The following PINX1 variants were observed in gnomAD, a reference collection of about 807,000 sequenced individuals.
PINX1 encodes PIN2 (TERF1) interacting telomerase inhibitor 1.
A neutral mutation model predicts 25.4 loss-of-function variants in PINX1; 34 were observed. That is an observed-to-expected ratio of 1.34 (90% CI 1.02 to 1.78). The LOEUF is 1.78. PINX1 is among the 40% of genes most tolerant of loss of function. PINX1 has a pLI of 0.00. For missense variants in PINX1, 592 were observed against 404.9 expected, an observed-to-expected ratio of 1.46 and a Z score of -3.97; for synonymous variants, 197 against 147.7, an observed-to-expected ratio of 1.33 and a Z score of -2.42.
At chr8:10,817,645 A>T (rs770354591) in intron 6 of PINX1, among the ~76,000 whole-genome samples, 14 of 152,064 alleles carry the variant, frequency 9.2e-5, no homozygotes, top group Non-Finnish European at 1.9e-4. Context: ...CCTAGACGCG[A>T]CCTCCTCAGT....
At chr8:10,803,554 C>G (rs1176395062) in intron 6 of PINX1, among the ~76,000 whole-genome samples, 1 of 152,206 alleles carries the variant, frequency 6.6e-6, no homozygotes, top group Non-Finnish European at 1.5e-5. Context: ...CGAGCTCTGT[C>G]CCACATTCTG....
At chr8:10,803,980 T>G (rs1802353899) in intron 6 of PINX1, among the ~76,000 whole-genome samples, 1 of 151,336 alleles carries the variant, frequency 6.6e-6, no homozygotes. Flanking sequence ...GAAGTTCAAA[T>G]TAGCTATCAT....
At chr8:10,811,462 C>T (rs372264656) in intron 6 of PINX1, among the ~76,000 whole-genome samples, 1 of 152,194 alleles carries the variant, frequency 6.6e-6, no homozygotes, top group Admixed American at 6.5e-5. Flanking sequence ...CCTAAGACAG[C>T]CATTTCATTT....
intron 6 of PINX1, among the ~76,000 whole-genome samples, chr8:10,807,011 G>A (rs1802472291): frequency 6.6e-6 from 1 of 152,162 alleles, no homozygotes; most frequent in African/African-American, 2.4e-5. Context: ...TTAATTGACT[G>A]TTAAATTACA....
In PINX1 at chr8:10,831,654, G is replaced by A. The variant is rs748713749; in HGVS notation, c.301+11C>T. On this transcript the variant is annotated intron_variant, in intron 4 of 6. Coordinates refer to ENST00000314787, the MANE Select transcript of PINX1 (RefSeq NM_017884.6). ...TTTGCATTGAGAACTTATGTCATCT[G>A]ATTTCCCTACCTGTGGTTTCCTGCC... The A allele has an allele frequency of 4.5e-6, 7 of 1,565,234 alleles. No individual in the cohort carries two copies. The highest frequency in any genetic ancestry group is 6.1e-6 in the Non-Finnish European group (7 of 1,140,420).
intron 6 of PINX1, among the ~76,000 whole-genome samples, chr8:10,779,397 A>T (rs1256848158): frequency 6.6e-6 from 1 of 152,250 alleles, no homozygotes; most frequent in Non-Finnish European, 1.5e-5. Flanking sequence ...AATGAAACAA[A>T]CTTGATTCTG....
At chr8:10,818,831 C>A (rs77192658) in intron 6 of PINX1, among the ~76,000 whole-genome samples, 8 of 152,068 alleles carry the variant, frequency 5.3e-5, no homozygotes, top group African/African-American at 1.9e-4. Context: ...CCTGAGGACA[C>A]GGAGACGACT....
intron 6 of PINX1, among the ~76,000 whole-genome samples, chr8:10,773,883 G>A (rs910936508): frequency 6.6e-6 from 1 of 152,238 alleles, no homozygotes; most frequent in Non-Finnish European, 1.5e-5. Context: ...GAAAGCTGCA[G>A]TGACAAACTT....
intron 1 of PINX1, among the ~76,000 whole-genome samples, chr8:10,837,064 T>C (rs1251744238): frequency 6.6e-6 from 1 of 152,258 alleles, no homozygotes; most frequent in Non-Finnish European, 1.5e-5. Flanking sequence ...GAAAGGCCTG[T>C]TCATAACAGG....
chr8:10,804,841 A>C (rs1802388477), intron 6 of PINX1, among the ~76,000 whole-genome samples: 1 of 152,054 alleles, frequency 6.6e-6, no homozygotes, highest in Non-Finnish European at 1.5e-5. Context: ...TAGTGCTTGT[A>C]CTTTGTCCCC....
At chr8:10,826,830 G>C (rs1006886335) in intron 4 of PINX1, among the ~76,000 whole-genome samples, 16 of 152,246 alleles carry the variant, frequency 1.1e-4, no homozygotes, top group Non-Finnish European at 2.2e-4. Flanking sequence ...ATGGTTTCGA[G>C]GGGACAAGGA....
rs760142409 is a variant in PINX1 at position 10,765,732 on chromosome 8, G to A, written c.656C>T (p.Ala219Val). 1 of 1,613,974 alleles carries A rather than the reference G, an allele frequency of 6.2e-7. No homozygotes were observed. Among genetic ancestry groups the A allele is most frequent in the Non-Finnish European group, 8.5e-7 (1 of 1,179,874 alleles). Residue 219 changes from alanine to valine, a missense_variant, in exon 7 of 7, where the codon GCC becomes GTC. Transcript: ENST00000314787. ...RKRGKKRNKE[A>V]TGKDVESYLQ... ...GTAACTTTCCACATCTTTACCTGTG[G>A]CCTCTTTATTTCTTTTCTTCCCCCT...
intron 6 of PINX1, among the ~76,000 whole-genome samples, chr8:10,802,180 G>C (rs566791753): frequency 1.3e-5 from 2 of 152,318 alleles, no homozygotes; most frequent in East Asian, 3.9e-4. Context: ...CTTGGAATAA[G>C]TCGAAAAGCC....
At chr8:10,766,421 G>C (rs372248791) in intron 6 of PINX1, among the ~76,000 whole-genome samples, 2 of 152,318 alleles carry the variant, frequency 1.3e-5, no homozygotes, top group East Asian at 3.9e-4. Context: ...CCTTCCATGA[G>C]GACAGGAGCC....
At chr8:10,799,621 A>C (rs1398840566) in intron 6 of PINX1, among the ~76,000 whole-genome samples, 1 of 152,206 alleles carries the variant, frequency 6.6e-6, no homozygotes, top group Non-Finnish European at 1.5e-5. Flanking sequence ...CACTCAGACC[A>C]CATTGGTGAC....
intron 6 of PINX1, among the ~76,000 whole-genome samples, chr8:10,806,658 G>C (rs1586176062): frequency 6.6e-6 from 1 of 152,160 alleles, no homozygotes; most frequent in African/African-American, 2.4e-5. Flanking sequence ...CCAGAGTGGG[G>C]AACAGCAGCC....
intron 6 of PINX1, among the ~76,000 whole-genome samples, chr8:10,815,735 G>C (rs951800300): frequency 8.5e-5 from 13 of 152,168 alleles, no homozygotes; most frequent in African/African-American, 2.9e-4. Context: ...ATACCACTTT[G>C]TACTTACATA....
chr8:10,792,196 C>G (rs1176032402), intron 6 of PINX1, among the ~76,000 whole-genome samples: 1 of 152,118 alleles, frequency 6.6e-6, no homozygotes, highest in Non-Finnish European at 1.5e-5. Flanking sequence ...TCCCTGCACT[C>G]TCCGCGCTGG....
intron 1 of PINX1, among the ~76,000 whole-genome samples, chr8:10,837,740 A>C (rs1798446467): frequency 6.6e-6 from 1 of 152,218 alleles, no homozygotes; most frequent in African/African-American, 2.4e-5. Flanking sequence ...CACATGACTT[A>C]TGCTAGGATC....
Sources: gnomAD v4.1 joint callset for allele counts (sites outside exome capture counted in the v4.1 genomes callset) on GRCh38, gnomAD v4.1.1 for gene constraint, MANE v1.5 for transcripts, NCBI Gene and HGNC (gene_info 2026-07-23, HGNC 2026-07-21) for gene names.